Variants in CADPS2 observed in about 807,000 individuals in gnomAD.
CADPS2 encodes calcium dependent secretion activator 2, also known as calcium-dependent secretion activator 2.
A neutral mutation model predicts 172.5 loss-of-function variants in CADPS2; 93 were observed. The observed-to-expected ratio is 0.54, with a 90% CI of 0.46 to 0.64. The LOEUF is 0.64. Among genes scored for constraint, CADPS2 ranks in the 30% least tolerant of loss-of-function variants. CADPS2 has a pLI of 0.00. For missense variants in CADPS2, 1,420 were observed against 1,565.9 expected (o/e 0.91, Z 1.57); for synonymous variants, 546 against 555.2 (o/e 0.98, Z 0.23).
chr7:122,841,835 C>A (rs1810612405), intron 1 of CADPS2, among the ~76,000 whole-genome samples: 1 of 151,884 alleles, frequency 6.6e-6, no homozygotes, highest in Admixed American at 6.6e-5. Flanking sequence ...TTTTTTTTAC[C>A]CTAACTCCTA....
intron 9 of CADPS2, among the ~76,000 whole-genome samples, chr7:122,501,874 CAAAAAAAAAAAA>C (rs1173009562): frequency 4.7e-5 from 2 of 42,170 alleles, no homozygotes; most frequent in Non-Finnish European, 9.3e-5. Context: ...GACTCCGTCT[CAAAAAAAAAAAA>C]AAAAAAAAAA....
intron 8 of CADPS2, among the ~76,000 whole-genome samples, chr7:122,522,090 T>C (rs2060850378): frequency 6.6e-6 from 1 of 152,114 alleles, no homozygotes; most frequent in African/African-American, 2.4e-5. Context: ...CATTCTTTTT[T>C]TTCTCTTTTT....
chr7:122,679,271 G>GC (rs2082748525), intron 2 of CADPS2, among the ~76,000 whole-genome samples: 1 of 117,500 alleles, frequency 8.5e-6, no homozygotes, highest in Admixed American at 8.6e-5. Context: ...TTCCTGGGGG[G>GC]GGGGGGCTCT....
At position 122,818,419 on chromosome 7, in the gene CADPS2, C is replaced by A. The variant is rs527472625; in HGVS notation, c.339+67580G>T. ...TAGGCAAACGGTCTGAGGTGCCTGA[C>A]GTCCAGGCATTCTTTTACACGTCAG... On this transcript the variant is annotated intron_variant, in intron 1 of 29. Coordinates refer to ENST00000449022, the MANE Select transcript of CADPS2 (RefSeq NM_017954.11). 1.1e-3 allele frequency among the ~76,000 whole-genome samples: 163 copies of A among 152,228 alleles called. 1 individual carries two copies. Among genetic ancestry groups the A allele is most frequent in the Admixed American group, 2.7e-3 (42 of 15,288 alleles).
At chr7:122,383,483 A>C (rs2043260110) in intron 24 of CADPS2, among the ~76,000 whole-genome samples, 1 of 152,150 alleles carries the variant, frequency 6.6e-6, no homozygotes, top group Non-Finnish European at 1.5e-5. Context: ...CGAATACTTC[A>C]AGTTGGATTG....
intron 6 of CADPS2, among the ~76,000 whole-genome samples, chr7:122,587,311 T>C (rs943754324): frequency 6.6e-6 from 1 of 152,056 alleles, no homozygotes; most frequent in African/African-American, 2.4e-5. Flanking sequence ...TTCCCCTCCC[T>C]ACGTCCATGT....
chr7:122,743,580 C>T (rs1359641515), intron 1 of CADPS2, among the ~76,000 whole-genome samples: 1 of 152,136 alleles, frequency 6.6e-6, no homozygotes, highest in East Asian at 1.9e-4. Flanking sequence ...TTGTGGGTCC[C>T]TCCAGGATTG....
intron 22 of CADPS2, among the ~76,000 whole-genome samples, chr7:122,389,800 TAAAG>T (rs1408182217): frequency 6.6e-6 from 1 of 151,982 alleles, no homozygotes; most frequent in African/African-American, 2.4e-5. Flanking sequence ...AAAAGAAAAT[TAAAG>T]AAATAAACTC....
intron 1 of CADPS2, among the ~76,000 whole-genome samples, chr7:122,851,545 T>C (rs1813632674): frequency 6.6e-6 from 1 of 152,160 alleles, no homozygotes; most frequent in African/African-American, 2.4e-5. Context: ...ATTAGTCTGC[T>C]CTCATGCTGC....
intron 25 of CADPS2, chr7:122,366,685 GTATA>G (rs34421933): frequency 3.2e-5 from 4 of 126,776 alleles, no homozygotes; most frequent in East Asian, 4.6e-4. Context: ...ATATATATAC[GTATA>G]TATATATATA....
intron 6 of CADPS2, among the ~76,000 whole-genome samples, chr7:122,611,271 T>C (rs912878300): frequency 3.4e-4 from 51 of 152,190 alleles, no homozygotes; most frequent in African/African-American, 1.2e-3. Flanking sequence ...CTAGAAATGT[T>C]ATTTAAAATA....
intron 1 of CADPS2, among the ~76,000 whole-genome samples, chr7:122,821,045 T>C (rs201685005): frequency 1.3e-3 from 194 of 144,580 alleles, no homozygotes; most frequent in South Asian, 2.6e-3. Flanking sequence ...CCTTCAGCTA[T>C]ACTCACTCTT....
intron 20 of CADPS2, among the ~76,000 whole-genome samples, chr7:122,399,586 C>CAAT (rs1252416494): frequency 6.8e-6 from 1 of 147,758 alleles, no homozygotes; most frequent in African/African-American, 2.5e-5. Flanking sequence ...TAATGTCCCA[C>CAAT]AATACTTGCC....
At chr7:122,497,656 ATATT>A (rs1392398383) in intron 9 of CADPS2, among the ~76,000 whole-genome samples, 2 of 152,150 alleles carry the variant, frequency 1.3e-5, no homozygotes, top group African/African-American at 2.4e-5. Flanking sequence ...TAACAAGTCA[ATATT>A]TATTTATATT....
intron 5 of CADPS2, among the ~76,000 whole-genome samples, chr7:122,616,860 T>A (rs183506728): frequency 6.6e-6 from 1 of 152,244 alleles, no homozygotes. Flanking sequence ...AACCAGAAGC[T>A]GAGATAAATC....
intron 27 of CADPS2, among the ~76,000 whole-genome samples, chr7:122,357,988 G>A (rs549378002): frequency 6.6e-6 from 1 of 152,238 alleles, no homozygotes; most frequent in South Asian, 2.1e-4. Flanking sequence ...AGTTGGATAA[G>A]TGCAGAGAAC....
rs758460383 is a variant in CADPS2, at chr7:122,554,523, GA to G, written c.1475+26del. The G allele has an allele frequency of 3.2e-6, 5 of 1,547,062 alleles. No homozygotes were observed. In the Admixed American group the frequency reaches 8.1e-5, roughly 25 times the overall value. On this transcript the variant is annotated intron_variant, in intron 8 of 29. Transcript: ENST00000449022. ...ACTGAAATGAAATTCAATAATTCAG[GA>G]AAAAAATCCTCAAATTTATACTCAC...
intron 3 of CADPS2, among the ~76,000 whole-genome samples, chr7:122,648,170 C>G (rs1314707182): frequency 1.3e-5 from 2 of 152,082 alleles, no homozygotes; most frequent in Non-Finnish European, 2.9e-5. Flanking sequence ...ATGCCTCACT[C>G]TCTAGTTCTT....
At chr7:122,799,990 T>G (rs556261119) in intron 1 of CADPS2, among the ~76,000 whole-genome samples, 2 of 152,176 alleles carry the variant, frequency 1.3e-5, no homozygotes, top group East Asian at 3.9e-4. Context: ...AAAAAAGATA[T>G]GTAACCTCTA....
Sources: gnomAD v4.1 joint callset for allele counts (sites outside exome capture counted in the v4.1 genomes callset) on GRCh38, gnomAD v4.1.1 for gene constraint, MANE v1.5 for transcripts, NCBI Gene and HGNC (gene_info 2026-07-23, HGNC 2026-07-21) for gene names.